The following NOS1AP variants were observed in gnomAD, a reference collection of about 807,000 sequenced individuals.
NOS1AP encodes nitric oxide synthase 1 adaptor protein.
NOS1AP carries 21 observed loss-of-function variants against 56.2 expected under a neutral mutation model. That is an observed-to-expected ratio of 0.37 (90% CI 0.26 to 0.54). The LOEUF is 0.54. Among genes scored for constraint, NOS1AP ranks in the 20% least tolerant of loss-of-function variants. The probability of loss-of-function intolerance (pLI) is 0.84; values close to 1 mark genes in which losing one functional copy is unlikely to be tolerated. For synonymous variants in NOS1AP, 270 were observed against 274.6 expected, an observed-to-expected ratio of 0.98 and a Z score of 0.17; for missense variants, 522 against 657.8, an observed-to-expected ratio of 0.79 and a Z score of 2.26.
chr1:162,185,341 C>T (rs1651395025), intron 2 of NOS1AP, among the ~76,000 whole-genome samples: 2 of 152,240 alleles, frequency 1.3e-5, no homozygotes, highest in African/African-American at 2.4e-5. Flanking sequence ...GCTTGTAATA[C>T]TGACTGTCTG....
intron 1 of NOS1AP, among the ~76,000 whole-genome samples, chr1:162,125,546 T>C (rs1457189479): frequency 6.6e-6 from 1 of 152,110 alleles, no homozygotes; most frequent in East Asian, 1.9e-4. Flanking sequence ...TTCCCCGAGG[T>C]ATGTTTTTGT....
At chr1:162,299,938 A>C (rs1655587929) in intron 3 of NOS1AP, among the ~76,000 whole-genome samples, 1 of 152,196 alleles carries the variant, frequency 6.6e-6, no homozygotes, top group Admixed American at 6.5e-5. Flanking sequence ...CCTGTGCATT[A>C]TCTCTGAGAA....
chr1:162,077,511 T>C (rs1322922713), intron 1 of NOS1AP, among the ~76,000 whole-genome samples: 1 of 152,240 alleles, frequency 6.6e-6, no homozygotes, highest in Non-Finnish European at 1.5e-5. Flanking sequence ...ATCCCTTATA[T>C]AGATTTGCAA....
At chr1:162,088,293 G>A (rs1692047784) in intron 1 of NOS1AP, among the ~76,000 whole-genome samples, 2 of 152,136 alleles carry the variant, frequency 1.3e-5, no homozygotes, top group Non-Finnish European at 2.9e-5. Flanking sequence ...TTGCAACCCT[G>A]CTGCACCATA....
At chr1:162,279,805 T>C (rs892652018) in intron 2 of NOS1AP, among the ~76,000 whole-genome samples, 1 of 152,232 alleles carries the variant, frequency 6.6e-6, no homozygotes, top group Admixed American at 6.5e-5. Context: ...GCCATGATTC[T>C]GAGCTACTAA....
At chr1:162,215,125 C>T (rs1191671468) in intron 2 of NOS1AP, among the ~76,000 whole-genome samples, 1 of 152,222 alleles carries the variant, frequency 6.6e-6, no homozygotes, top group African/African-American at 2.4e-5. Flanking sequence ...CTCACGGGTC[C>T]TCAAGGCCAC....
chr1:162,227,543 C>G (rs1324260928), intron 2 of NOS1AP, among the ~76,000 whole-genome samples: 2 of 152,142 alleles, frequency 1.3e-5, no homozygotes, highest in Non-Finnish European at 2.9e-5. Context: ...TGACTGGAGC[C>G]TAATCACTCA....
At chr1:162,289,127 C>A (rs73021425) in intron 3 of NOS1AP, among the ~76,000 whole-genome samples, 11,035 of 151,900 alleles carry the variant, frequency 0.073, 491 homozygotes, top group Middle Eastern at 0.11. Context: ...GGCTGACACT[C>A]CCAGAATCTT....
chr1:162,223,690 C>G (rs901800687), intron 2 of NOS1AP, among the ~76,000 whole-genome samples: 2 of 152,112 alleles, frequency 1.3e-5, no homozygotes, highest in Non-Finnish European at 2.9e-5. Context: ...TTCAGTTCAC[C>G]TGTTTTAATA....
chr1:162,191,085 G>GAGTTGTTC (rs1018814406), intron 2 of NOS1AP, among the ~76,000 whole-genome samples: 1 of 152,180 alleles, frequency 6.6e-6, no homozygotes, highest in Non-Finnish European at 1.5e-5. Context: ...GAATCTGACA[G>GAGTTGTTC]AGTTGTTCCC....
chr1:162,159,108 G>A (rs1650090415), intron 2 of NOS1AP, among the ~76,000 whole-genome samples: 1 of 152,166 alleles, frequency 6.6e-6, no homozygotes, highest in Non-Finnish European at 1.5e-5. Flanking sequence ...CAGTCCAACT[G>A]TGTGAATAGG....
At chr1:162,103,030 T>G (rs1323388347) in intron 1 of NOS1AP, among the ~76,000 whole-genome samples, 2 of 152,190 alleles carry the variant, frequency 1.3e-5, no homozygotes, top group Non-Finnish European at 2.9e-5. Flanking sequence ...GATGTTAGGT[T>G]GTTAACTTGA....
chr1:162,336,047 C>A (rs1242157440), intron 5 of NOS1AP, among the ~76,000 whole-genome samples: 1 of 152,088 alleles, frequency 6.6e-6, no homozygotes, highest in Non-Finnish European at 1.5e-5. Flanking sequence ...TCACCAGAAG[C>A]TAGAAAGCAA....
At chr1:162,175,938 GT>G (rs1285832469) in intron 2 of NOS1AP, among the ~76,000 whole-genome samples, 3 of 152,032 alleles carry the variant, frequency 2.0e-5, no homozygotes, top group Non-Finnish European at 4.4e-5. Context: ...TATCAGAATC[GT>G]TAACCCATAC....
chr1:162,134,896 A>G (rs1342788065), intron 1 of NOS1AP, among the ~76,000 whole-genome samples: 1 of 152,182 alleles, frequency 6.6e-6, no homozygotes, highest in Admixed American at 6.5e-5. Context: ...CTGCATGTTC[A>G]GCCTTATCTC....
At chr1:162,155,360 GTATA>G (rs1332711124) in intron 2 of NOS1AP, among the ~76,000 whole-genome samples, 13 of 79,992 alleles carry the variant, frequency 1.6e-4, no homozygotes, top group African/African-American at 5.2e-4. Context: ...ATATGTATGT[GTATA>G]TATATATAGA....
intron 2 of NOS1AP, among the ~76,000 whole-genome samples, chr1:162,201,790 T>C (rs1652001104): frequency 6.6e-6 from 1 of 152,258 alleles, no homozygotes; most frequent in Non-Finnish European, 1.5e-5. Context: ...CACTTTTTAA[T>C]TGGGCTGTTT....
chr1:162,198,174 G>A (rs1413137824), intron 2 of NOS1AP, among the ~76,000 whole-genome samples: 2 of 152,198 alleles, frequency 1.3e-5, no homozygotes, highest in Non-Finnish European at 2.9e-5. Context: ...TTAGGGGCTG[G>A]GAGGGAGCTA....
chr1:162,355,395 G>A (rs1247675500), intron 7 of NOS1AP, 42 bp downstream of exon 7: 1 of 1,612,166 alleles, frequency 6.2e-7, no homozygotes, highest in Admixed American at 1.7e-5. Context: ...GCACACGTGT[G>A]CCCTCAGGTC....
Sources: gnomAD v4.1 joint callset for allele counts (sites outside exome capture counted in the v4.1 genomes callset) on GRCh38, gnomAD v4.1.1 for gene constraint, MANE v1.5 for transcripts, NCBI Gene and HGNC (gene_info 2026-07-23, HGNC 2026-07-21) for gene names.